CACHD1: variants seen among roughly 807,000 people sequenced by gnomAD.
The protein encoded by CACHD1 is VWFA and cache domain-containing protein 1.
A neutral mutation model predicts 138.7 loss-of-function variants in CACHD1; 71 were observed. The ratio of observed to expected loss-of-function variants is 0.51; its 90% CI spans 0.42 to 0.62. CACHD1 has a LOEUF of 0.62. Among genes scored for constraint, CACHD1 ranks in the 20% least tolerant of loss-of-function variants. CACHD1 has a pLI of 0.00. For synonymous variants in CACHD1, 578 were observed against 591.5 expected, an observed-to-expected ratio of 0.98 and a Z score of 0.33; for missense variants, 1,389 against 1,625.3, an observed-to-expected ratio of 0.85 and a Z score of 2.50.
chr1:64,517,793 G>A (rs748398902), intron 1 of CACHD1, among the ~76,000 whole-genome samples: 1 of 152,148 alleles, frequency 6.6e-6, no homozygotes, highest in Non-Finnish European at 1.5e-5. Context: ...ACCTTTACCC[G>A]ATTACTCTTC....
At chr1:64,635,740 G>A (rs1336899832) in intron 7 of CACHD1, among the ~76,000 whole-genome samples, 1 of 151,952 alleles carries the variant, frequency 6.6e-6, no homozygotes, top group African/African-American at 2.4e-5. Context: ...CTAAAGTAAG[G>A]GAAAAGATAT....
chr1:64,470,694 GC>G lies in CACHD1; in HGVS notation c.-48del. 2 of 476,688 alleles carry G rather than the reference GC, an allele frequency of 4.2e-6. No homozygotes were observed. Among genetic ancestry groups the G allele is most frequent in the East Asian group, 7.2e-5 (2 of 27,682 alleles). 29.5% of individuals were successfully genotyped at this position (476,688 alleles called of 1,614,324 possible). On this transcript the variant is annotated 5_prime_UTR_variant, in exon 1 of 27. Coordinates refer to ENST00000651257, the MANE Select transcript of CACHD1 (RefSeq NM_020925.4). The surrounding 1 kb of genome is among the most constrained non-coding windows in gnomAD (Gnocchi z 5.2). Reference sequence around the variant, plus strand: ...GCTTTTGCGGGGGGCACCTCCCGCGGCCCGCTTCCCCGCGCCCGGAGCCCGT... The same window carrying G: ...GCTTTTGCGGGGGGCACCTCCCGCGGCCGCTTCCCCGCGCCCGGAGCCCGT...
chr1:64,625,099 G>A (rs746483092), intron 4 of CACHD1, among the ~76,000 whole-genome samples: 13 of 152,178 alleles, frequency 8.5e-5, no homozygotes, highest in Admixed American at 4.6e-4. Flanking sequence ...GAAGTTGGTC[G>A]ATCACTGTAC....
intron 1 of CACHD1, among the ~76,000 whole-genome samples, chr1:64,497,441 G>A (rs1388094274): frequency 6.6e-6 from 1 of 152,126 alleles, no homozygotes; most frequent in African/African-American, 2.4e-5. Flanking sequence ...AGCAATGGTT[G>A]GCAAGGAAAG....
intron 1 of CACHD1, among the ~76,000 whole-genome samples, chr1:64,522,529 C>T (rs112255880): frequency 1.1e-3 from 170 of 150,400 alleles, no homozygotes; most frequent in African/African-American, 4.0e-3. Flanking sequence ...GCTTCAACTC[C>T]TGACCTCAAG....
chr1:64,669,192 A>G (rs752215692), intron 16 of CACHD1, among the ~76,000 whole-genome samples: 3 of 152,220 alleles, frequency 2.0e-5, no homozygotes, highest in Non-Finnish European at 4.4e-5. Flanking sequence ...CGCTGACTTC[A>G]TATGTAAAAC....
intron 1 of CACHD1, among the ~76,000 whole-genome samples, chr1:64,475,287 T>C (rs6690750): frequency 0.6 from 89,735 of 150,306 alleles, 29,742 homozygotes; most frequent in East Asian, 0.74. Context: ...CAAGCAGTCC[T>C]CTTGAGTAGC....
intron 1 of CACHD1, among the ~76,000 whole-genome samples, chr1:64,542,301 G>T (rs76651432): frequency 6.6e-6 from 1 of 152,162 alleles, no homozygotes; most frequent in East Asian, 1.9e-4. Context: ...GTCGTCTATT[G>T]TGTCACTGAT....
chr1:64,544,875 C>T (rs1304938864), intron 1 of CACHD1, among the ~76,000 whole-genome samples: 1 of 152,036 alleles, frequency 6.6e-6, no homozygotes, highest in Non-Finnish European at 1.5e-5. Context: ...GCTGAAAATT[C>T]AGATTTGTAC....
At chr1:64,493,798 AT>A (rs1301993648) in intron 1 of CACHD1, among the ~76,000 whole-genome samples, 7 of 152,114 alleles carry the variant, frequency 4.6e-5, no homozygotes, top group Non-Finnish European at 7.4e-5. Flanking sequence ...ATTTACACAC[AT>A]TTTGTGGGGC....
At chr1:64,487,529 A>G (rs1646250350) in intron 1 of CACHD1, among the ~76,000 whole-genome samples, 1 of 152,196 alleles carries the variant, frequency 6.6e-6, no homozygotes, top group Non-Finnish European at 1.5e-5. Context: ...GGTGACACCA[A>G]TATTTACTAC....
Position 64,586,291 on chromosome 1 carries a change from T to C in CACHD1, c.410+3987T>C, listed in dbSNP as rs571564381. Among the ~76,000 whole-genome samples the C allele has an allele frequency of 2.0e-4, 31 of 152,338 alleles. No homozygotes were observed. The South Asian group carries it at 6.4e-3, about 32-fold the overall frequency. ...TTTGGCCAGGCTGGTCTCAAGCTTC[T>C]GACCTCAGGTGATCCACCCACCTTG... On this transcript the variant is annotated intron_variant, in intron 3 of 26. Coordinates refer to ENST00000651257, the MANE Select transcript of CACHD1 (RefSeq NM_020925.4).
At chr1:64,687,934 T>C (rs553788325) in intron 26 of CACHD1, among the ~76,000 whole-genome samples, 138 of 152,144 alleles carry the variant, frequency 9.1e-4, no homozygotes, top group Non-Finnish European at 1.5e-3. Flanking sequence ...TATTATAATA[T>C]GGCAAAATAT....
intron 13 of CACHD1, among the ~76,000 whole-genome samples, chr1:64,659,626 A>T (rs887842643): frequency 6.6e-6 from 1 of 152,244 alleles, no homozygotes; most frequent in Non-Finnish European, 1.5e-5. Flanking sequence ...CATAAAATAT[A>T]GCAAAGCTGA....
intron 1 of CACHD1, among the ~76,000 whole-genome samples, chr1:64,491,257 TCTC>T (rs1250802737): frequency 4.1e-4 from 60 of 145,300 alleles, no homozygotes; most frequent in African/African-American, 1.5e-3. Flanking sequence ...TCTCTCTCTC[TCTC>T]TTTTTTTTTT....
intron 1 of CACHD1, among the ~76,000 whole-genome samples, chr1:64,535,288 A>G (rs2100413706): frequency 6.7e-6 from 1 of 150,300 alleles, no homozygotes; most frequent in South Asian, 2.1e-4. Context: ...TCTTTTAGCC[A>G]GAGCTTACTT....
Position 64,602,891 on chromosome 1 carries a change from C to A in CACHD1, c.496C>A (p.Pro166Thr). The A allele has an allele frequency of 6.2e-7, 1 of 1,611,916 alleles. No individual in the cohort carries two copies. The highest frequency in any genetic ancestry group is 8.5e-7 in the Non-Finnish European group (1 of 1,178,196). Reference protein sequence around the residue: ...STTVNSRAFNPGRDLNSVLAD... With the variant: ...STTVNSRAFNTGRDLNSVLAD... ...TACTGTTAATAGCCGGGCCTTCAAT[C>A]CAGGACGAGACTTAAATTCAGGTCA... The change falls in exon 4 of 27, where the codon CCA (proline) becomes ACA (threonine). Residue 166 changes from proline to threonine, a missense_variant. This residue lies in a region of CACHD1 where 1,000 missense variants were observed against 1,114.7 expected (regional missense o/e 0.90). Transcript: ENST00000651257.
intron 2 of CACHD1, among the ~76,000 whole-genome samples, chr1:64,554,135 A>G (rs1429834904): frequency 6.6e-6 from 1 of 152,196 alleles, no homozygotes; most frequent in Non-Finnish European, 1.5e-5. Context: ...GAGCTCAAGC[A>G]ATCCTCCTGC....
intron 14 of CACHD1, chr1:64,664,091 T>C: frequency 1.9e-6 from 1 of 517,270 alleles, no homozygotes; most frequent in Non-Finnish European, 3.4e-6. Flanking sequence ...GTTAGAGGGA[T>C]GTGATTTAGA....
Sources: allele counts gnomAD v4.1 joint callset (sites outside exome capture counted in the v4.1 genomes callset), GRCh38; gene constraint gnomAD v4.1.1; regional missense constraint gnomAD v4.1.1; non-coding constraint Gnocchi (gnomAD v3.1); transcripts MANE v1.5; gene names NCBI Gene and HGNC (gene_info 2026-07-23, HGNC 2026-07-21).